The following TMEM17 variants were observed in gnomAD, a reference collection of about 807,000 sequenced individuals.
The protein encoded by TMEM17 is transmembrane protein 17.
A neutral mutation model predicts 19.1 loss-of-function variants in TMEM17; 15 were observed. The ratio of observed to expected loss-of-function variants is 0.78; its 90% confidence interval spans 0.52 to 1.21. The LOEUF (loss-of-function observed/expected upper bound fraction) is 1.21, where lower values mean the gene tolerates loss of function less well. Among genes scored for constraint, TMEM17 ranks in the 50% most tolerant of loss-of-function variants. The pLI, the probability that TMEM17 is intolerant of heterozygous loss-of-function variation, is 0.00. For synonymous variants in TMEM17, 103 were observed against 86.9 expected, an observed-to-expected ratio of 1.19 and a Z score of -1.03; for missense variants, 245 against 242.3, an observed-to-expected ratio of 1.01 and a Z score of -0.07.
At chr2:62,465,872 G>A in the TMEM17 span, among the ~76,000 whole-genome samples, 9 of 152,318 alleles carry the variant, frequency 5.9e-5, no homozygotes, top group East Asian at 1.7e-3. Context: ...GGTAGGGGGC[G>A]TAAGTTGACC....
the TMEM17 span, among the ~76,000 whole-genome samples, chr2:62,488,127 G>A: frequency 7.4e-4 from 112 of 152,256 alleles, 1 homozygote; most frequent in African/African-American, 2.4e-3. Flanking sequence ...GACTTTGTAT[G>A]GCCAGCTGTC....
At chr2:62,463,372 G>C in the TMEM17 span, 1 of 152,160 alleles carries the variant, frequency 6.6e-6, no homozygotes, top group South Asian at 2.1e-4. Flanking sequence ...GGAAAACAGG[G>C]ACCCTCGTAA....
chr2:62,456,631 C>T, the TMEM17 span, among the ~76,000 whole-genome samples: 5 of 152,178 alleles, frequency 3.3e-5, no homozygotes, highest in African/African-American at 1.2e-4. Context: ...CTTTGGGGGC[C>T]ATCATTCAGC....
the TMEM17 span, among the ~76,000 whole-genome samples, chr2:62,478,644 T>C: frequency 6.6e-6 from 1 of 152,264 alleles, no homozygotes; most frequent in South Asian, 2.1e-4. Context: ...TGGGTAAGTC[T>C]GAGCCAATGC....
intron 1 of TMEM17, among the ~76,000 whole-genome samples, 200 bp downstream of exon 1, chr2:62,505,830 G>A (rs981234390): frequency 6.6e-6 from 1 of 152,310 alleles, no homozygotes; most frequent in African/African-American, 2.4e-5. Flanking sequence ...GCGGAGACCA[G>A]GCCCGGCCGG....
chr2:62,471,125 C>T, the TMEM17 span, among the ~76,000 whole-genome samples: 12 of 152,152 alleles, frequency 7.9e-5, no homozygotes, highest in Admixed American at 1.3e-4. Flanking sequence ...GAGAGGCCCA[C>T]GAGCAATCAG....
At chr2:62,505,446 G>A (rs1210768374) in intron 1 of TMEM17, among the ~76,000 whole-genome samples, 27 of 151,724 alleles carry the variant, frequency 1.8e-4, no homozygotes. Flanking sequence ...GTGGATGGTG[G>A]TTTGAAAGGA....
Position 62,501,411 on chromosome 2 carries a change from T to C in TMEM17, c.395A>G (p.Glu132Gly), listed in dbSNP as rs1019167498. 2 of 1,614,050 alleles carry C rather than the reference T, an allele frequency of 1.2e-6. No individual in the cohort carries two copies. Among genetic ancestry groups the C allele is most frequent in the African/African-American group, 2.7e-5 (2 of 74,922 alleles). Reference sequence around the variant, plus strand: ...TTCCAAGGGCAGATTTGTTAGGCCTTCATTAAAGAGCAAGAAAAGAATTAA... The same window carrying C: ...TTCCAAGGGCAGATTTGTTAGGCCTCCATTAAAGAGCAAGAAAAGAATTAA... ...LPLILFLLFN[E>G]GLTNLPLEKA... The change falls in exon 4 of 4, where the codon GAA becomes GGA. Residue 132 changes from glutamate (E) to glycine (G), a missense_variant. Coordinates refer to ENST00000335390, the MANE Select transcript of TMEM17 (RefSeq NM_198276.3).
At chr2:62,460,184 G>A in the TMEM17 span, among the ~76,000 whole-genome samples, 493 of 152,310 alleles carry the variant, frequency 3.2e-3, 1 homozygote, top group African/African-American at 0.011. Context: ...ATCTACCAGC[G>A]CTGCTGTGAC....
the TMEM17 span, among the ~76,000 whole-genome samples, chr2:62,457,565 A>AT: frequency 6.7e-6 from 1 of 150,162 alleles, no homozygotes; most frequent in Admixed American, 6.7e-5. The surrounding 1 kb of genome is among the most constrained non-coding windows in gnomAD (Gnocchi z 4.2). Flanking sequence ...CTTACCGAGC[A>AT]TCTCACATTC....
the TMEM17 span, among the ~76,000 whole-genome samples, chr2:62,460,203 A>G: frequency 6.6e-6 from 1 of 152,192 alleles, no homozygotes; most frequent in East Asian, 1.9e-4. Flanking sequence ...ACCTTATTTA[A>G]TCCTCACAAC....
At chr2:62,495,915 A>G (rs1360990585), downstream of TMEM17, among the ~76,000 whole-genome samples, 1 of 152,180 alleles carries the variant, frequency 6.6e-6, no homozygotes, top group East Asian at 1.9e-4. Context: ...CAGTCTTTTT[A>G]TGTCCTAGGG....
At chr2:62,477,432 T>C in the TMEM17 span, among the ~76,000 whole-genome samples, 1 of 152,152 alleles carries the variant, frequency 6.6e-6, no homozygotes, top group Non-Finnish European at 1.5e-5. Flanking sequence ...GTTGTCTATC[T>C]GATGGTCAAC....
At chr2:62,501,629 C>T (rs374349385) in intron 3 of TMEM17, 142 bp from the exon 4 acceptor site, 13 of 787,644 alleles carry the variant, frequency 1.7e-5, no homozygotes, top group Admixed American at 1.2e-4. Flanking sequence ...TGGTCCTTGT[C>T]CTCAGAGAAC....
chr2:62,486,434 C>T, the TMEM17 span, among the ~76,000 whole-genome samples: 76 of 152,316 alleles, frequency 5.0e-4, no homozygotes, highest in Admixed American at 1.6e-3. Flanking sequence ...GCCTCTGTCC[C>T]TGGAGGCCCT....
the TMEM17 span, among the ~76,000 whole-genome samples, chr2:62,458,627 C>A: frequency 1.3e-5 from 2 of 152,230 alleles, no homozygotes; most frequent in Non-Finnish European, 2.9e-5. Flanking sequence ...CAACCTGGCT[C>A]TGGCGATTCA....
At chr2:62,501,936 G>A (rs916402216) in intron 3 of TMEM17, 3 of 166,024 alleles carry the variant, frequency 1.8e-5, no homozygotes, top group Non-Finnish European at 2.6e-5. Context: ...AAGACAGGCT[G>A]GGTGGGGCCT....
the TMEM17 span, among the ~76,000 whole-genome samples, chr2:62,473,657 A>T: frequency 6.6e-6 from 1 of 152,312 alleles, no homozygotes; most frequent in East Asian, 1.9e-4. Context: ...CTGTTTACAC[A>T]TCATGGTGAG....
intron 1 of TMEM17, among the ~76,000 whole-genome samples, chr2:62,505,719 A>AT (rs1680048947): frequency 6.6e-6 from 1 of 151,774 alleles, no homozygotes; most frequent in Admixed American, 6.6e-5. Context: ...TTATCTTTTT[A>AT]TTTTTGGGGT....
Sources: gnomAD v4.1 joint callset for allele counts (sites outside exome capture counted in the v4.1 genomes callset) on GRCh38, gnomAD v4.1.1 for gene constraint, Gnocchi (gnomAD v3.1) non-coding constraint, MANE v1.5 for transcripts, NCBI Gene and HGNC (gene_info 2026-07-23, HGNC 2026-07-21) for gene names.